Variants in PSME4 observed in about 807,000 individuals in gnomAD.
PSME4 encodes proteasome activator subunit 4, also known as proteasome activator complex subunit 4.
PSME4 carries 89 observed loss-of-function variants against 253.9 expected under a neutral mutation model. The observed-to-expected ratio is 0.35, with a 90% CI of 0.30 to 0.42. The LOEUF is 0.42. PSME4 is among the 10% of genes least tolerant of loss of function. The pLI, the probability that PSME4 is intolerant of heterozygous loss-of-function variation, is 1.00. For synonymous variants in PSME4, 851 were observed against 759.2 expected (o/e 1.12, Z -1.99); for missense variants, 2,014 against 2,195.2 (o/e 0.92, Z 1.65).
intron 1 of PSME4, among the ~76,000 whole-genome samples, chr2:53,958,818 T>TAA (rs74490446): frequency 1.5e-5 from 2 of 135,846 alleles, no homozygotes; most frequent in Non-Finnish European, 3.2e-5. Flanking sequence ...AATACATATT[T>TAA]AAAAAAAAAA....
chr2:53,922,412 C>A (rs181233177), intron 17 of PSME4, 105 bp downstream of exon 17: 8 of 1,221,044 alleles, frequency 6.6e-6, no homozygotes, highest in African/African-American at 1.5e-5. Context: ...TTCCAAAACT[C>A]TGACTTTTCA....
intron 3 of PSME4, among the ~76,000 whole-genome samples, chr2:53,946,445 A>G (rs569589876): frequency 1.3e-5 from 2 of 152,250 alleles, no homozygotes; most frequent in Non-Finnish European, 2.9e-5. Flanking sequence ...AATGTGCCCA[A>G]TCTCATCTGA....
At chr2:53,868,544 A>T (rs1478100932) in intron 44 of PSME4, among the ~76,000 whole-genome samples, 1 of 56,442 alleles carries the variant, frequency 1.8e-5, no homozygotes, top group Non-Finnish European at 3.7e-5. Context: ...ATATATTATA[A>T]ATATATTTAT....
At chr2:53,885,597 C>T in intron 41 of PSME4, 93 bp downstream of exon 41, 1 of 826,052 alleles carries the variant, frequency 1.2e-6, no homozygotes, top group Non-Finnish European at 1.9e-6. Flanking sequence ...TCAAAATTCA[C>T]ACTGTCTGAA....
At chr2:53,932,936 A>G in intron 8 of PSME4, 176 bp from the exon 9 acceptor site, 1 of 552,160 alleles carries the variant, frequency 1.8e-6, no homozygotes, top group East Asian at 2.8e-5. Flanking sequence ...CTTCATGCAA[A>G]CCAACTCAAA....
intron 43 of PSME4, among the ~76,000 whole-genome samples, chr2:53,872,684 G>A (rs1487409806): frequency 7.4e-6 from 1 of 135,058 alleles, no homozygotes; most frequent in Non-Finnish European, 1.5e-5. Context: ...AGAGGCTGCA[G>A]TGAGCCATAA....
intron 44 of PSME4, 117 bp from the exon 45 acceptor site, chr2:53,866,997 A>C: frequency 1.0e-6 from 1 of 971,494 alleles, no homozygotes; most frequent in East Asian, 2.6e-5. Flanking sequence ...TTCTGCATTT[A>C]AAATGAATCT....
intron 41 of PSME4, among the ~76,000 whole-genome samples, chr2:53,884,230 G>A (rs909070442): frequency 6.6e-6 from 1 of 151,300 alleles, no homozygotes; most frequent in Admixed American, 6.6e-5. Flanking sequence ...CTTTTTTTTC[G>A]AGATGGAGTC....
At chr2:53,893,095 T>A in intron 35 of PSME4, 135 bp from the exon 36 acceptor site, 1 of 635,376 alleles carries the variant, frequency 1.6e-6, no homozygotes, top group Non-Finnish European at 2.5e-6. Context: ...GCTTTAACAA[T>A]TGCGGTAAGT....
rs1671036011 is a variant in PSME4, at chr2:53,970,726, T to C, written c.59A>G (p.Glu20Gly). The C allele has an allele frequency of 6.5e-7, 1 of 1,547,724 alleles. No individual in the cohort carries two copies. The highest frequency in any genetic ancestry group is 8.7e-7 in the Non-Finnish European group (1 of 1,145,984). ...GEPPEPGGRP[E>G]PGPRGFVPQK... ...CGGGACGAAGCCCCGCGGGCCCGGC[T>C]CGGGACGCCCGCCCGGCTCCGGGGG... The change falls in exon 1 of 47, where the codon GAG (glutamate) becomes GGG (glycine). Residue 20 changes from glutamate to glycine, a missense_variant. By Grantham distance (98) the Glu-to-Gly change is moderately conservative. Around this residue, in one of 4 missense-constraint regions of PSME4, gnomAD observed 615 missense variants for 594.4 expected, o/e 1.03. Transcript: ENST00000404125.
chr2:53,958,549 A>G, intron 1 of PSME4, among the ~76,000 whole-genome samples: 1 of 152,224 alleles, frequency 6.6e-6, no homozygotes, highest in Middle Eastern at 3.2e-3. Flanking sequence ...TTAATTAAAC[A>G]GTCAATATCA....
chr2:53,910,195 T>C, intron 20 of PSME4, 65 bp from the exon 21 acceptor site: 1 of 1,347,626 alleles, frequency 7.4e-7, no homozygotes, highest in East Asian at 2.3e-5. Flanking sequence ...AAGGGAAAAG[T>C]TTCATTGCTG....
intron 37 of PSME4, among the ~76,000 whole-genome samples, chr2:53,889,879 A>G (rs1679823283): frequency 6.6e-6 from 1 of 152,212 alleles, no homozygotes; most frequent in Non-Finnish European, 1.5e-5. Flanking sequence ...GCCATCTCCA[A>G]TTACATAAGA....
At chr2:53,877,315 A>G (rs1679183169) in intron 41 of PSME4, among the ~76,000 whole-genome samples, 1 of 150,750 alleles carries the variant, frequency 6.6e-6, no homozygotes, top group South Asian at 2.1e-4. Context: ...TGGGAGGCTG[A>G]GGTGGGAAGA....
intron 43 of PSME4, among the ~76,000 whole-genome samples, chr2:53,872,449 A>G (rs529091403): frequency 6.6e-6 from 1 of 152,336 alleles, no homozygotes; most frequent in South Asian, 2.1e-4. Flanking sequence ...TTATGTTTAT[A>G]TAACAGCTAT....
Position 53,922,565 on chromosome 2 carries a change from A to T in PSME4, c.1998T>A (p.Asp666Glu), listed in dbSNP as rs1163859772. The T allele has an allele frequency of 6.2e-7, 1 of 1,613,050 alleles. No homozygotes were observed. The highest frequency in any genetic ancestry group is 1.3e-5 in the African/African-American group (1 of 75,018). The change falls in exon 17 of 47, where the codon GAT (aspartate) becomes GAA (glutamate). Residue 666 changes from aspartate (D) to glutamate (E), a missense_variant. Asp to Glu is a conservative substitution (Grantham distance 45). Around this residue, in one of 4 missense-constraint regions of PSME4, gnomAD observed 989 missense variants for 1,021.1 expected, o/e 0.97. Coordinates refer to ENST00000404125, the MANE Select transcript of PSME4 (RefSeq NM_014614.3). ...ATAGTAATTCCTTGTCTAGCTCTTC[A>T]TCATTTAATACATCATCATCTAAAA... ...QLTMNDDVLN[D>E]EELDKELLWN...
At chr2:53,903,869 T>TAA (rs34521882) in intron 27 of PSME4, among the ~76,000 whole-genome samples, 156 bp downstream of exon 27, 1 of 145,526 alleles carries the variant, frequency 6.9e-6, no homozygotes, top group African/African-American at 2.5e-5. Context: ...TGAAATACAT[T>TAA]AAAAAAAAGA....
chr2:53,911,163 T>A (rs1178795084), intron 20 of PSME4, among the ~76,000 whole-genome samples: 2 of 152,220 alleles, frequency 1.3e-5, no homozygotes, highest in Non-Finnish European at 2.9e-5. Flanking sequence ...TTCTAAAATG[T>A]CAGTTATTTA....
At position 53,970,785 on chromosome 2, in the gene PSME4, G is replaced by C; in HGVS notation, c.-1C>G. The C allele has an allele frequency of 6.5e-7, 1 of 1,538,410 alleles. No homozygotes were observed. The highest frequency in any genetic ancestry group is 1.4e-5 in the African/African-American group (1 of 72,536). ...CTCCCGCCCGCTCGGCCGGCTCCAT[G>C]AGCCCAGGGACACCCCCCCCACCCC... is the stretch of plus-strand genomic sequence containing the variant. On this transcript the variant is annotated 5_prime_UTR_variant, in exon 1 of 47. Coordinates refer to ENST00000404125, the MANE Select transcript of PSME4 (RefSeq NM_014614.3).
Sources: allele counts gnomAD v4.1 joint callset (sites outside exome capture counted in the v4.1 genomes callset), GRCh38; gene constraint gnomAD v4.1.1; regional missense constraint gnomAD v4.1.1; transcripts MANE v1.5; gene names NCBI Gene and HGNC (gene_info 2026-07-23, HGNC 2026-07-21).